GAD2: variants seen among roughly 807,000 people sequenced by gnomAD.
The protein encoded by GAD2 is 65 kDa glutamic acid decarboxylase.
Under a neutral mutation model 80.1 loss-of-function variants are expected in GAD2, and 22 were observed. The ratio of observed to expected loss-of-function variants is 0.27; its 90% CI spans 0.20 to 0.39. The LOEUF (loss-of-function observed/expected upper bound fraction) is 0.39. Ranked by LOEUF, GAD2 falls within the 10% of genes least tolerant of loss-of-function variation. The pLI is 1.00. For synonymous variants in GAD2, 274 were observed against 256.9 expected, an observed-to-expected ratio of 1.07 and a Z score of -0.64; for missense variants, 624 against 738.4, an observed-to-expected ratio of 0.85 and a Z score of 1.80.
At position 26,217,443 on chromosome 10, in the gene GAD2, T is replaced by C. The variant is rs1463228169; in HGVS notation, c.77-167T>C. On this transcript the variant is annotated intron_variant, in intron 1 of 15. Transcript: ENST00000376261. The surrounding 1 kb of genome is among the most constrained non-coding windows in gnomAD (Gnocchi z 4.9). The stretch of plus-strand genomic sequence containing the variant: ...CTGGCCCGGGCCGCCAGCCTCCCGC[T>C]TGCCTTCTGCACCTGCCGGCCTCAC... 6.6e-6 allele frequency among the ~76,000 whole-genome samples: 1 copy of C among 152,074 alleles called. No individual in the cohort carries two copies. The highest frequency in any genetic ancestry group is 1.9e-4 in the East Asian group (1 of 5,164).
rs1834349517 is a variant in GAD2, at chr10:26,303,470, A to AGGAAGGAAGGAAATGAAGGGAG, written c.*2512_*2513insAGGAAGGAAATGAAGGGAGGGA. The AGGAAGGAAGGAAATGAAGGGAG allele has an allele frequency of 9.2e-6, 1 of 109,104 alleles. No homozygotes were observed. The highest frequency in any genetic ancestry group is 3.2e-5 in the African/African-American group (1 of 31,392). The allele number at this position is 109,104 out of a possible 1,614,324, so 6.8% of individuals were successfully genotyped here. ...AGGGAGGGAGGGAGGGAGGGAGGGAAGGAGGGAGGGAGGAAGGAAATGAAG... is the reference window on the plus strand; with the variant it reads ...AGGGAGGGAGGGAGGGAGGGAGGGAAGGAAGGAAGGAAATGAAGGGAGGGAGGGAGGGAGGAAGGAAATGAAG... On this transcript the variant is annotated 3_prime_UTR_variant, in exon 16 of 16. Transcript: ENST00000376261.
intron 6 of GAD2, among the ~76,000 whole-genome samples, chr10:26,227,527 C>T (rs1356638203): frequency 6.6e-6 from 1 of 152,172 alleles, no homozygotes; most frequent in African/African-American, 2.4e-5. Context: ...TCTCTTCTTC[C>T]CTCCTTCCTT....
Position 26,219,142 on chromosome 10 carries a change from C to A in GAD2, c.386C>A (p.Ser129Ter). Residue 129 changes from serine to a stop codon, truncating the protein, a stop_gained, in exon 4 of 16, where the codon TCA becomes TAA. Transcript: ENST00000376261. LOFTEE classifies it high-confidence loss of function. ...LQYVVKSFDR[S>*]TKVIDFHYPN... The stretch of plus-strand genomic sequence containing the variant: ...TATGTGGTGAAAAGTTTCGATAGAT[C>A]AACCAAAGTGATTGATTTCCATTAT... The A allele has an allele frequency of 1.2e-6, 2 of 1,613,794 alleles. No individual in the cohort carries two copies. Among genetic ancestry groups the A allele is most frequent in the Non-Finnish European group, 1.7e-6 (2 of 1,179,898 alleles).
chr10:26,279,240 CA>C (rs1845246017), intron 11 of GAD2, among the ~76,000 whole-genome samples: 1 of 152,070 alleles, frequency 6.6e-6, no homozygotes, highest in Non-Finnish European at 1.5e-5. Flanking sequence ...AGAAGTTAAA[CA>C]AAGCCACAGA....
rs61839366 is a variant in GAD2 at position 26,230,456 on chromosome 10, T to A, written c.840+679T>A. Reference sequence around the variant, plus strand: ...TTGTTTGTTTGTTTGTTTGAGACAATCTCGCTATGTCACCCAGACTGTAGT... The same window carrying A: ...TTGTTTGTTTGTTTGTTTGAGACAAACTCGCTATGTCACCCAGACTGTAGT... On this transcript the variant is annotated intron_variant, in intron 7 of 15. Transcript: ENST00000376261. Among the ~76,000 whole-genome samples, 562 of 151,914 alleles carry A rather than the reference T, an allele frequency of 3.7e-3. 3 individuals carry two copies. Among genetic ancestry groups the A allele is most frequent in the Non-Finnish European group, 5.5e-3 (376 of 67,870 alleles).
At chr10:26,223,643 C>CA (rs1399261992) in intron 4 of GAD2, among the ~76,000 whole-genome samples, 1 of 151,546 alleles carries the variant, frequency 6.6e-6, no homozygotes. Flanking sequence ...TAAGAAATAT[C>CA]AAAACCTAAA....
intron 8 of GAD2, among the ~76,000 whole-genome samples, chr10:26,248,508 A>G (rs1332530151): frequency 2.6e-5 from 4 of 152,206 alleles, no homozygotes; most frequent in Non-Finnish European, 5.9e-5. Flanking sequence ...AAACAGCCCA[A>G]GGATGTATGT....
chr10:26,237,476 C>T (rs1275389530), intron 7 of GAD2, among the ~76,000 whole-genome samples: 4 of 151,906 alleles, frequency 2.6e-5, no homozygotes, highest in South Asian at 4.2e-4. Context: ...GCATGGCTCT[C>T]GGTGAGCCCC....
intron 8 of GAD2, among the ~76,000 whole-genome samples, chr10:26,246,470 A>G (rs1476986659): frequency 1.3e-5 from 2 of 152,160 alleles, no homozygotes; most frequent in Non-Finnish European, 2.9e-5. Context: ...CCCTGTCTTA[A>G]TTGACACCTG....
intron 11 of GAD2, among the ~76,000 whole-genome samples, chr10:26,274,675 C>T (rs1449725880): frequency 6.6e-6 from 1 of 152,230 alleles, no homozygotes; most frequent in Non-Finnish European, 1.5e-5. Context: ...GAGCCCTGGG[C>T]ATGTGGGAGG....
chr10:26,278,968 T>TCCATTGTACGG (rs1274414443), intron 11 of GAD2, among the ~76,000 whole-genome samples: 1 of 151,870 alleles, frequency 6.6e-6, no homozygotes, highest in Non-Finnish European at 1.5e-5. Context: ...TGAGCCCACG[T>TCCATTGTACGG]CCATTGTACG....
At chr10:26,266,030 C>A (rs1241868873) in intron 8 of GAD2, among the ~76,000 whole-genome samples, 1 of 152,230 alleles carries the variant, frequency 6.6e-6, no homozygotes, top group Admixed American at 6.5e-5. Flanking sequence ...GCTAAAATGT[C>A]CCAAGCAGCT....
chr10:26,301,296 C>T lies in GAD2; in HGVS notation c.*335C>T, dbSNP rs1834327371. Reference sequence around the variant, plus strand: ...AGTAGGACTGAATAGTGCCAAATTGCCCCTGAATCATAAAAGGTTCTTTGG... The same window carrying T: ...AGTAGGACTGAATAGTGCCAAATTGTCCCTGAATCATAAAAGGTTCTTTGG... On this transcript the variant is annotated 3_prime_UTR_variant, in exon 16 of 16. Coordinates refer to ENST00000376261, the MANE Select transcript of GAD2 (RefSeq NM_001134366.2). The T allele has an allele frequency of 6.0e-6, 1 of 167,642 alleles. No homozygotes were observed. The highest frequency in any genetic ancestry group is 1.3e-5 in the Non-Finnish European group (1 of 77,832). 10.4% of individuals were successfully genotyped at this position (167,642 alleles called of 1,614,324 possible).
chr10:26,278,715 A>T (rs752762290), intron 11 of GAD2, among the ~76,000 whole-genome samples: 6 of 152,092 alleles, frequency 3.9e-5, no homozygotes, highest in Non-Finnish European at 1.5e-5. Flanking sequence ...TTATCTGACC[A>T]TGAACTGCCT....
At chr10:26,261,421 G>A (rs1190215827) in intron 8 of GAD2, among the ~76,000 whole-genome samples, 1 of 152,008 alleles carries the variant, frequency 6.6e-6, no homozygotes, top group Non-Finnish European at 1.5e-5. Context: ...AATGAGTTTG[G>A]AAGTATTTCT....
chr10:26,256,753 T>A (rs185121123), intron 8 of GAD2, among the ~76,000 whole-genome samples: 6 of 152,314 alleles, frequency 3.9e-5, no homozygotes, highest in African/African-American at 1.2e-4. Flanking sequence ...TCAACTTTGA[T>A]TTTTTGGTGA....
At chr10:26,267,707 A>G (rs753952443) in intron 8 of GAD2, among the ~76,000 whole-genome samples, 6 of 152,002 alleles carry the variant, frequency 3.9e-5, no homozygotes, top group East Asian at 1.9e-4. Context: ...GTGATTCCCA[A>G]TGCTTTGAGG....
chr10:26,285,015 A>G (rs1454357335), intron 12 of GAD2, among the ~76,000 whole-genome samples: 1 of 152,198 alleles, frequency 6.6e-6, no homozygotes, highest in Non-Finnish European at 1.5e-5. Flanking sequence ...TGGCCTGAGG[A>G]ATAATGGTAC....
At chr10:26,224,057 T>A in intron 5 of GAD2, 80 bp downstream of exon 5, 1 of 1,056,184 alleles carries the variant, frequency 9.5e-7, no homozygotes, top group Non-Finnish European at 1.4e-6. Flanking sequence ...TATGTGAAAA[T>A]CTGTTTTTTA....
Sources: allele counts gnomAD v4.1 joint callset (sites outside exome capture counted in the v4.1 genomes callset), GRCh38; gene constraint gnomAD v4.1.1; non-coding constraint Gnocchi (gnomAD v3.1); transcripts MANE v1.5; gene names NCBI Gene and HGNC (gene_info 2026-07-23, HGNC 2026-07-21).